Variants in TOP1MT observed in about 807,000 individuals in gnomAD.
The protein encoded by TOP1MT is DNA topoisomerase I, mitochondrial.
A neutral mutation model predicts 73.9 loss-of-function variants in TOP1MT; 80 were observed. The ratio of observed to expected loss-of-function variants is 1.08; its 90% CI spans 0.90 to 1.30. The LOEUF is 1.30. TOP1MT is among the 50% of genes most tolerant of loss of function. The probability of loss-of-function intolerance (pLI) is 0.00; values close to 1 mark genes in which losing one functional copy is unlikely to be tolerated. For synonymous variants in TOP1MT, 338 were observed against 326.4 expected, an observed-to-expected ratio of 1.04 and a Z score of -0.38; for missense variants, 815 against 808.0, an observed-to-expected ratio of 1.01 and a Z score of -0.10.
At position 143,310,232 on chromosome 8, in the gene TOP1MT, G is replaced by A; in HGVS notation, c.1554-15C>T. On this transcript the variant is annotated splice_polypyrimidine_tract_variant and intron_variant, in intron 12 of 13. Transcript: ENST00000329245. ...TCTCCAGGACACTGGCAAGAGAAGA[G>A]GAGGCCGCGAGGCCCCGCGCTGGAC... The A allele has an allele frequency of 1.3e-6, 2 of 1,512,586 alleles. No homozygotes were observed. The highest frequency in any genetic ancestry group is 2.2e-5 in the Admixed American group (1 of 45,420). The allele number at this position is 1,512,586 out of a possible 1,614,324, so 93.7% of individuals were successfully genotyped here.
chr8:143,354,749 T>G (rs1422301106), intron 1 of TOP1MT, among the ~76,000 whole-genome samples: 1 of 152,004 alleles, frequency 6.6e-6, no homozygotes, highest in East Asian at 1.9e-4. Context: ...TAAATTAAAT[T>G]TAACAAAGTT....
intron 12 of TOP1MT, among the ~76,000 whole-genome samples, chr8:143,314,300 T>A (rs1816093173): frequency 6.6e-6 from 1 of 152,118 alleles, no homozygotes; most frequent in Non-Finnish European, 1.5e-5. Context: ...TTTGTATTTT[T>A]AAAAATCACA....
intron 10 of TOP1MT, among the ~76,000 whole-genome samples, chr8:143,316,946 C>A (rs1048146952): frequency 3.9e-5 from 6 of 152,216 alleles, no homozygotes; most frequent in Non-Finnish European, 2.9e-5. Context: ...CACCTGGATG[C>A]CAGCTAGCTC....
upstream of TOP1MT, among the ~76,000 whole-genome samples, chr8:143,338,237 C>T (rs962211504): frequency 1.3e-5 from 2 of 152,094 alleles, no homozygotes; most frequent in Admixed American, 6.6e-5. Flanking sequence ...GGCTACTGCA[C>T]TCCAGCCTGA....
chr8:143,358,465 G>A (rs1479766179), upstream of TOP1MT: 1 of 152,230 alleles, frequency 6.6e-6, no homozygotes, highest in Non-Finnish European at 1.5e-5. Context: ...TTGTAGTGAT[G>A]AGGTTAGACC....
chr8:143,312,635 T>G (rs1816043676), intron 12 of TOP1MT, among the ~76,000 whole-genome samples: 1 of 152,186 alleles, frequency 6.6e-6, no homozygotes, highest in Non-Finnish European at 1.5e-5. Context: ...GCATGAGAGT[T>G]TTGCCCCCAG....
intron 1 of TOP1MT, among the ~76,000 whole-genome samples, 191 bp from the exon 2 acceptor site, chr8:143,331,530 C>T (rs770520603): frequency 3.3e-5 from 5 of 152,208 alleles, no homozygotes; most frequent in Non-Finnish European, 5.9e-5. Flanking sequence ...CCCGTGTACC[C>T]GCCCATGCCC....
intron 1 of TOP1MT, 116 bp downstream of exon 1, chr8:143,334,624 T>C: frequency 3.1e-5 from 45 of 1,467,196 alleles, no homozygotes; most frequent in Non-Finnish European, 4.0e-5. Context: ...TGGCCCGACT[T>C]TTGGGAAAAC....
At chr8:143,336,973 T>G (rs1816992412), upstream of TOP1MT, among the ~76,000 whole-genome samples, 1 of 152,194 alleles carries the variant, frequency 6.6e-6, no homozygotes, top group Non-Finnish European at 1.5e-5. Context: ...GAAAATAATT[T>G]ATTATAGCAT....
intron 12 of TOP1MT, 47 bp downstream of exon 12, chr8:143,315,680 T>C: frequency 6.6e-7 from 1 of 1,520,774 alleles, no homozygotes. Flanking sequence ...ACCCTACGGG[T>C]TGGGACAGGG....
chr8:143,359,420 G>A (rs969036825), upstream of TOP1MT: 14 of 985,334 alleles, frequency 1.4e-5, no homozygotes, highest in East Asian at 1.1e-4. Flanking sequence ...GCAGAAGACA[G>A]AGCGGAATCC....
At position 143,310,166 on chromosome 8, in the gene TOP1MT, C is replaced by T. The variant is rs188200124; in HGVS notation, c.1605G>A (p.Ala535=). The change falls in exon 13 of 14, where the codon GCG becomes GCA. Residue 535 remains alanine, a synonymous_variant. Transcript: ENST00000329245. ...TGTCCGTGGCCTGCACACTCAGCTG[C>T]GCCAGCTGCTCCTGCAGCTTCTCCA... ...RLLEKLQEQL[A]QLSVQATDKE... 131 of 1,607,292 alleles carry T rather than the reference C, an allele frequency of 8.2e-5. No individual in the cohort carries two copies. Among genetic ancestry groups the T allele is most frequent in the South Asian group, 4.4e-4 (40 of 90,498 alleles).
In TOP1MT at chr8:143,352,933, G is replaced by A. The variant is rs541621868; in HGVS notation, c.-39+3032C>T. On this transcript the variant is annotated intron_variant, in intron 1 of 5. Coordinates refer to the TOP1MT transcript ENST00000518760. ...TAATGGTTTTTAAAAACACACACAG[G>A]CAAAGCACAAACAATCAAAGATAAA... Among the ~76,000 whole-genome samples the A allele has an allele frequency of 2.6e-5, 4 of 152,178 alleles. No homozygotes were observed. The South Asian group carries it at 8.3e-4, about 32-fold the overall frequency.
At chr8:143,345,679 T>C (rs544022463), upstream of TOP1MT, among the ~76,000 whole-genome samples, 6 of 152,350 alleles carry the variant, frequency 3.9e-5, no homozygotes, top group African/African-American at 1.2e-4. Flanking sequence ...TATAGAAGAA[T>C]ACATTACATA....
chr8:143,336,681 C>T (rs575847355), upstream of TOP1MT, among the ~76,000 whole-genome samples: 1 of 152,112 alleles, frequency 6.6e-6, no homozygotes, highest in South Asian at 2.1e-4. Flanking sequence ...ATAGAAAATC[C>T]CAAAGAATCC....
upstream of TOP1MT, among the ~76,000 whole-genome samples, chr8:143,345,712 T>TA (rs1246239349): frequency 1.3e-5 from 2 of 152,224 alleles, no homozygotes; most frequent in Non-Finnish European, 2.9e-5. Flanking sequence ...AGAGAAGAGA[T>TA]AAAGTAATTC....
chr8:143,310,494 C>G (rs1192863600), intron 12 of TOP1MT: 1 of 324,544 alleles, frequency 3.1e-6, no homozygotes, highest in African/African-American at 2.1e-5. Context: ...ACACAACAGA[C>G]TGAGGCCGGC....
In TOP1MT at chr8:143,324,036, G is replaced by A. The variant is rs369652527; in HGVS notation, c.923C>T (p.Thr308Met). The A allele has an allele frequency of 1.2e-4, 197 of 1,613,638 alleles. No homozygotes were observed. Among genetic ancestry groups the A allele is most frequent in the Non-Finnish European group, 2.9e-5 (34 of 1,180,028 alleles). Residue 308 changes from threonine to methionine, a missense_variant, in exon 7 of 14, where the codon ACG becomes ATG. Transcript: ENST00000329245. Reference protein sequence around the residue: ...RADWKSREMKTRQRAVALYFI... With the variant: ...RADWKSREMKMRQRAVALYFI... ...ATACAGGGCCACCGCCCGCTGTCTC[G>A]TCTTCATTTCCCGAGACTTCCAGTC...
intron 8 of TOP1MT, among the ~76,000 whole-genome samples, 188 bp from the exon 9 acceptor site, chr8:143,318,274 G>A (rs751738969): frequency 3.9e-5 from 6 of 152,306 alleles, no homozygotes; most frequent in East Asian, 1.9e-4. Flanking sequence ...GGCAGTCACC[G>A]CTACCACACG....
Sources: gnomAD v4.1 joint callset for allele counts (sites outside exome capture counted in the v4.1 genomes callset) on GRCh38, gnomAD v4.1.1 for gene constraint, MANE v1.5 for transcripts, NCBI Gene and HGNC (gene_info 2026-07-23, HGNC 2026-07-21) for gene names.